The following COL23A1 variants were observed in gnomAD, a reference collection of about 807,000 sequenced individuals.
The protein encoded by COL23A1 is collagen alpha-1(XXIII) chain.
Under a neutral mutation model 99.3 loss-of-function variants are expected in COL23A1, and 97 were observed. That is an observed-to-expected ratio of 0.98 (90% CI 0.83 to 1.16). COL23A1 has a LOEUF of 1.16. Among genes scored for constraint, COL23A1 ranks in the 50% most tolerant of loss-of-function variants. The pLI is 0.00. For missense variants in COL23A1, 762 were observed against 757.4 expected (o/e 1.01, Z -0.07); for synonymous variants, 320 against 308.2 (o/e 1.04, Z -0.40).
intron 3 of COL23A1, among the ~76,000 whole-genome samples, chr5:178,290,905 T>A (rs1026052858): frequency 6.6e-6 from 1 of 152,208 alleles, no homozygotes; most frequent in Admixed American, 6.5e-5. Flanking sequence ...GTCTACCAGA[T>A]GAGGGCTCAC....
intron 2 of COL23A1, among the ~76,000 whole-genome samples, chr5:178,454,164 G>GT (rs1300976303): frequency 6.6e-6 from 1 of 152,128 alleles, no homozygotes; most frequent in Non-Finnish European, 1.5e-5. Context: ...TAAAAGGGCT[G>GT]TTTTCTAAAA....
intron 3 of COL23A1, among the ~76,000 whole-genome samples, chr5:178,297,479 C>T (rs1757808407): frequency 6.6e-6 from 1 of 152,206 alleles, no homozygotes; most frequent in Non-Finnish European, 1.5e-5. Flanking sequence ...TATCAGGCCA[C>T]TGCACTCCAG....
chr5:178,526,980 T>C (rs1304593025), intron 2 of COL23A1, among the ~76,000 whole-genome samples: 1 of 152,056 alleles, frequency 6.6e-6, no homozygotes, highest in Non-Finnish European at 1.5e-5. Flanking sequence ...CAGGGTGCCG[T>C]GGTAGGCAGG....
intron 2 of COL23A1, among the ~76,000 whole-genome samples, chr5:178,452,695 G>A (rs1165353813): frequency 6.6e-6 from 1 of 152,086 alleles, no homozygotes; most frequent in Non-Finnish European, 1.5e-5. Context: ...AAGGGAAAGA[G>A]GTTCAACCAC....
chr5:178,243,055 T>C (rs1291924797), intron 25 of COL23A1, among the ~76,000 whole-genome samples: 1 of 152,012 alleles, frequency 6.6e-6, no homozygotes, highest in Non-Finnish European at 1.5e-5. Context: ...CCGAGTATGG[T>C]GATGCGCGCC....
intron 1 of COL23A1, among the ~76,000 whole-genome samples, chr5:178,573,707 A>C (rs912387463): frequency 6.6e-6 from 1 of 152,246 alleles, no homozygotes; most frequent in African/African-American, 2.4e-5. Context: ...GCTCATTAAC[A>C]GGAGAATGAA....
chr5:178,315,221 GCCGTGCTGCAGCCCCAACACA>G (rs1203511374), intron 2 of COL23A1, among the ~76,000 whole-genome samples: 1 of 152,182 alleles, frequency 6.6e-6, no homozygotes. Context: ...TGACATACCA[GCCGTGCTGCAGCCCCAACACA>G]CCGTGTTCTC....
intron 2 of COL23A1, among the ~76,000 whole-genome samples, chr5:178,528,499 G>A (rs1760450276): frequency 6.6e-6 from 1 of 152,186 alleles, no homozygotes; most frequent in Non-Finnish European, 1.5e-5. Context: ...TCCAAGATGA[G>A]CAAGTGACTT....
At chr5:178,474,672 T>C (rs1756935783) in intron 2 of COL23A1, among the ~76,000 whole-genome samples, 1 of 152,178 alleles carries the variant, frequency 6.6e-6, no homozygotes, top group African/African-American at 2.4e-5. Flanking sequence ...CTCAGTACAT[T>C]TTTATTGAGT....
At chr5:178,460,390 C>T (rs546513999) in intron 2 of COL23A1, among the ~76,000 whole-genome samples, 7 of 152,194 alleles carry the variant, frequency 4.6e-5, no homozygotes, top group African/African-American at 1.4e-4. Flanking sequence ...GTCTAGCCAC[C>T]GAGACAGGGC....
At chr5:178,483,874 C>A (rs555210954) in intron 2 of COL23A1, among the ~76,000 whole-genome samples, 3 of 152,196 alleles carry the variant, frequency 2.0e-5, no homozygotes, top group African/African-American at 7.2e-5. Context: ...CACTCAGCAA[C>A]GCGCACTTGC....
At chr5:178,409,863 A>C (rs962144907) in intron 2 of COL23A1, among the ~76,000 whole-genome samples, 1 of 152,218 alleles carries the variant, frequency 6.6e-6, no homozygotes, top group African/African-American at 2.4e-5. Context: ...ACCAAAATAC[A>C]TTCCAAATTT....
intron 2 of COL23A1, among the ~76,000 whole-genome samples, chr5:178,432,616 C>T (rs1766325187): frequency 6.6e-6 from 1 of 152,176 alleles, no homozygotes; most frequent in Non-Finnish European, 1.5e-5. Context: ...GGCTTGCAGA[C>T]TGAGCGAGGC....
chr5:178,321,488 T>G (rs1435772797), intron 2 of COL23A1, among the ~76,000 whole-genome samples: 2 of 142,680 alleles, frequency 1.4e-5, no homozygotes, highest in Non-Finnish European at 3.1e-5. Flanking sequence ...CCCTTTTTTT[T>G]TTTTTTTTTT....
chr5:178,268,666 G>A lies in COL23A1; in HGVS notation c.495+64C>T, dbSNP rs115825256. On this transcript the variant is annotated intron_variant, in intron 7 of 28. Coordinates refer to ENST00000390654, the MANE Select transcript of COL23A1 (RefSeq NM_173465.4). Reference sequence around the variant, plus strand: ...CAAGGGCACACTGGAACTGGCGTTCGGAGGCAGGTTTCTGGGATTCTTCGC... The same window carrying A: ...CAAGGGCACACTGGAACTGGCGTTCAGAGGCAGGTTTCTGGGATTCTTCGC... 889 of 1,557,272 alleles carry A rather than the reference G, an allele frequency of 5.7e-4. 3 individuals carry two copies. In the African/African-American group the frequency reaches 0.01, roughly 18 times the overall value.
intron 2 of COL23A1, among the ~76,000 whole-genome samples, chr5:178,375,123 T>A (rs1198190565): frequency 6.6e-6 from 1 of 152,112 alleles, no homozygotes; most frequent in Non-Finnish European, 1.5e-5. Context: ...TGCCACAACA[T>A]GGACGAACCT....
At chr5:178,557,251 T>C (rs2113531437) in intron 2 of COL23A1, among the ~76,000 whole-genome samples, 1 of 152,300 alleles carries the variant, frequency 6.6e-6, no homozygotes, top group South Asian at 2.1e-4. Flanking sequence ...TTAAGGACAA[T>C]TGGCATTGGA....
intron 2 of COL23A1, among the ~76,000 whole-genome samples, chr5:178,381,708 T>A (rs1455836708): frequency 2.0e-5 from 3 of 152,114 alleles, no homozygotes. Flanking sequence ...TGATCGTGAC[T>A]CCCTGCAGCC....
chr5:178,420,602 C>T (rs1317803490), intron 2 of COL23A1, among the ~76,000 whole-genome samples: 1 of 32,694 alleles, frequency 3.1e-5, no homozygotes, highest in Non-Finnish European at 7.1e-5. Flanking sequence ...TCCCCTCCCC[C>T]CTTCCCCCCC....
Sources: allele counts gnomAD v4.1 joint callset (sites outside exome capture counted in the v4.1 genomes callset), GRCh38; gene constraint gnomAD v4.1.1; transcripts MANE v1.5; gene names NCBI Gene and HGNC (gene_info 2026-07-23, HGNC 2026-07-21).